Variants in DNAH2 observed in about 807,000 individuals in gnomAD.
The protein encoded by DNAH2 is dynein axonemal heavy chain 2.
A neutral mutation model predicts 523.5 loss-of-function variants in DNAH2; 323 were observed. That is an observed-to-expected ratio of 0.62 (90% CI 0.56 to 0.68). The LOEUF is 0.68. Among genes scored for constraint, DNAH2 ranks in the 30% least tolerant of loss-of-function variants. The pLI is 0.00. For synonymous variants in DNAH2, 2,093 were observed against 2,177.4 expected (o/e 0.96, Z 1.08); for missense variants, 4,907 against 5,701.5 (o/e 0.86, Z 4.49).
intron 4 of DNAH2, 52 bp from the exon 5 acceptor site, chr17:7,733,035 G>A: frequency 6.3e-7 from 1 of 1,583,746 alleles, no homozygotes. Context: ...TTGTGACTGG[G>A]TGTCATGGCT....
At chr17:7,792,459 A>G (rs549101029) in intron 46 of DNAH2, 116 bp downstream of exon 46, 116 of 1,169,108 alleles carry the variant, frequency 9.9e-5, no homozygotes, top group Non-Finnish European at 1.4e-4. Flanking sequence ...GGTGGGTCCC[A>G]GAGAAGGGCT....
rs867940451 is a variant in DNAH2, at chr17:7,768,015, C to T, written c.3791C>T (p.Ala1264Val). The T allele has an allele frequency of 6.2e-7, 1 of 1,614,024 alleles. No individual in the cohort carries two copies. Among genetic ancestry groups the T allele is most frequent in the African/African-American group, 1.3e-5 (1 of 74,884 alleles). The change falls in exon 23 of 86, where the codon GCC becomes GTC. Residue 1264 changes from alanine (A) to valine (V), a missense_variant. Physicochemically the swap from Ala to Val is moderately conservative, Grantham distance 64 (BLOSUM62 0). Coordinates refer to ENST00000572933, the MANE Select transcript of DNAH2 (RefSeq NM_020877.5). ...ILQTETMETTAHGLFRRLTKL... is the reference protein window; with the variant it reads ...ILQTETMETTVHGLFRRLTKL... ...CAGACGGAAACCATGGAGACCACGGCCCACGGGCTGTTTCGTCGCCTCACA... is the reference window on the plus strand; with the variant it reads ...CAGACGGAAACCATGGAGACCACGGTCCACGGGCTGTTTCGTCGCCTCACA...
At chr17:7,726,875 G>T (rs55662831) in intron 3 of DNAH2, among the ~76,000 whole-genome samples, 1 of 151,968 alleles carries the variant, frequency 6.6e-6, no homozygotes, top group Non-Finnish European at 1.5e-5. Flanking sequence ...GCATTGGGTG[G>T]ATAATATCCC....
In DNAH2 at chr17:7,771,367, C is replaced by G; in HGVS notation, c.4400C>G (p.Pro1467Arg). 6.2e-7 allele frequency: 1 copy of G among 1,614,068 alleles called. No individual in the cohort carries two copies. Among genetic ancestry groups the G allele is most frequent in the Non-Finnish European group, 8.5e-7 (1 of 1,180,032 alleles). ...FLGEDIRKQL[P>R]NESTLFDQVN... ...GGAGAAGACATCCGCAAGCAGCTGC[C>G]CAATGAATCGACCTTATTTGACCAG... The change falls in exon 28 of 86, where the codon CCC (proline) becomes CGC (arginine). Residue 1467 changes from proline to arginine, a missense_variant. This residue lies in a region of DNAH2 where 2,806 missense variants were observed against 3,190.8 expected (regional missense o/e 0.88). Coordinates refer to ENST00000572933, the MANE Select transcript of DNAH2 (RefSeq NM_020877.5).
intron 12 of DNAH2, among the ~76,000 whole-genome samples, chr17:7,746,181 T>C (rs1354759429): frequency 6.6e-6 from 1 of 152,214 alleles, no homozygotes; most frequent in Non-Finnish European, 1.5e-5. Flanking sequence ...TTTTAGTTTT[T>C]AAAACATTTT....
At chr17:7,757,290 T>C in intron 13 of DNAH2, 53 bp downstream of exon 13, 6 of 1,590,484 alleles carry the variant, frequency 3.8e-6, no homozygotes, top group Non-Finnish European at 5.2e-6. Context: ...TATTCCTTCT[T>C]TTTCTCTTAT....
intron 18 of DNAH2, 85 bp from the exon 19 acceptor site, chr17:7,763,746 G>A: frequency 6.5e-7 from 1 of 1,537,362 alleles, no homozygotes; most frequent in Non-Finnish European, 8.9e-7. Flanking sequence ...TGGGTGGAAG[G>A]AAATGAGACC....
intron 48 of DNAH2, among the ~76,000 whole-genome samples, chr17:7,793,695 G>A (rs887657825): frequency 6.6e-6 from 1 of 151,816 alleles, no homozygotes; most frequent in Admixed American, 6.6e-5. Flanking sequence ...GAACTCCTGG[G>A]CTCAAGAGAT....
At chr17:7,749,212 G>A (rs2151173073) in intron 12 of DNAH2, among the ~76,000 whole-genome samples, 1 of 147,716 alleles carries the variant, frequency 6.8e-6, no homozygotes, top group South Asian at 2.2e-4. Flanking sequence ...GGAGGCCGAG[G>A]CAAGAGAATT....
chr17:7,719,977 G>C (rs913173524), intron 2 of DNAH2, 77 bp downstream of exon 2: 15 of 1,421,158 alleles, frequency 1.1e-5, no homozygotes, highest in Non-Finnish European at 1.3e-5. Flanking sequence ...GCATTTTAGG[G>C]CTGGGGAGCA....
chr17:7,785,780 G>A (rs1207705511), intron 39 of DNAH2, among the ~76,000 whole-genome samples: 1 of 152,186 alleles, frequency 6.6e-6, no homozygotes, highest in Non-Finnish European at 1.5e-5. Context: ...ACAGTGCTTG[G>A]CATACATTGT....
intron 63 of DNAH2, among the ~76,000 whole-genome samples, chr17:7,812,990 A>T (rs1177938754): frequency 6.6e-6 from 1 of 151,514 alleles, no homozygotes; most frequent in African/African-American, 2.4e-5. Flanking sequence ...ACCAGGCAAC[A>T]GCAGTAAGAC....
In DNAH2 at chr17:7,833,472, C is replaced by A; in HGVS notation, c.13223C>A (p.Ala4408Asp). ...FVIGIDLRSG[A>D]MTPDHWIKRG... Reference sequence around the variant, plus strand: ...ATCGGCATTGACCTGCGGTCTGGGGCCATGACACCTGATCATTGGATCAAG... The same window carrying A: ...ATCGGCATTGACCTGCGGTCTGGGGACATGACACCTGATCATTGGATCAAG... The change falls in exon 86 of 86, where the codon GCC becomes GAC. Residue 4408 changes from alanine to aspartate, a missense_variant. Physicochemically the swap from Ala to Asp is moderately radical, Grantham distance 126 (BLOSUM62 -2). Coordinates refer to ENST00000572933, the MANE Select transcript of DNAH2 (RefSeq NM_020877.5). 1 of 1,614,142 alleles carries A rather than the reference C, an allele frequency of 6.2e-7. No individual in the cohort carries two copies.
intron 22 of DNAH2, 41 bp downstream of exon 22, chr17:7,766,522 G>A (rs752866045): frequency 6.2e-7 from 1 of 1,602,200 alleles, no homozygotes; most frequent in South Asian, 1.1e-5. Context: ...CTGTCGATAA[G>A]GGGCAGGGAC....
rs1380740870 is a variant in DNAH2 at position 7,828,205 on chromosome 17, CA to C, written c.11854-2094del. On this transcript the variant is annotated intron_variant, in intron 77 of 85. Transcript: ENST00000572933. This position sits in a 1 kb window ranked among gnomAD's most constrained non-coding sequence, Gnocchi z 4.1. ...AACTGCTGGGATTACAGGTGTAACC[CA>C]CAGTGCCATGCTGATATACTTTAGT... Among the ~76,000 whole-genome samples, 21 of 152,140 alleles carry C rather than the reference CA, an allele frequency of 1.4e-4. No homozygotes were observed. The highest frequency in any genetic ancestry group is 4.4e-5 in the Non-Finnish European group (3 of 68,032).
At chr17:7,743,372 A>C in intron 12 of DNAH2, 1 of 708,780 alleles carries the variant, frequency 1.4e-6, no homozygotes, top group Non-Finnish European at 2.6e-6. Context: ...ACAACAAAAC[A>C]AAACAATGAT....
rs747242093 is a variant in DNAH2 at position 7,793,019 on chromosome 17, G to T, written c.7383G>T (p.Arg2461Ser). The T allele has an allele frequency of 6.2e-7, 1 of 1,613,890 alleles. No individual in the cohort carries two copies. The highest frequency in any genetic ancestry group is 8.5e-7 in the Non-Finnish European group (1 of 1,179,848). Residue 2461 changes from arginine (R) to serine (S), a missense_variant, in exon 48 of 86, where the codon AGG becomes AGT. Around this residue, in one of 3 missense-constraint regions of DNAH2, gnomAD observed 2,806 missense variants for 3,190.8 expected, o/e 0.88. Coordinates refer to ENST00000572933, the MANE Select transcript of DNAH2 (RefSeq NM_020877.5). ...ACGTGCAGAGCATCATTGAGAGCAG[G>T]GTTGAGAAGCGAACCAAGGGTGTCT... ...SNNVQSIIES[R>S]VEKRTKGVYV...
At chr17:7,753,463 G>T (rs146417294) in intron 12 of DNAH2, among the ~76,000 whole-genome samples, 8 of 152,134 alleles carry the variant, frequency 5.3e-5, no homozygotes, top group Non-Finnish European at 1.0e-4. Flanking sequence ...CGGGGAGTCC[G>T]CATTGAAGGG....
At chr17:7,830,193 C>T in intron 77 of DNAH2, 107 bp from the exon 78 acceptor site, 2 of 1,210,644 alleles carry the variant, frequency 1.7e-6, no homozygotes, top group East Asian at 2.4e-5. Flanking sequence ...ACCCTTTCAG[C>T]CAGTGCCTTT....
Sources: gnomAD v4.1 joint callset for allele counts (sites outside exome capture counted in the v4.1 genomes callset) on GRCh38, gnomAD v4.1.1 for gene constraint, gnomAD v4.1.1 regional missense constraint, Gnocchi (gnomAD v3.1) non-coding constraint, MANE v1.5 for transcripts, NCBI Gene and HGNC (gene_info 2026-07-23, HGNC 2026-07-21) for gene names.